NLGN1: variants seen among roughly 807,000 people sequenced by gnomAD.
NLGN1 encodes neuroligin-1.
NLGN1 carries 12 observed loss-of-function variants against 65.5 expected under a neutral mutation model. The observed-to-expected ratio is 0.18, with a 90% CI of 0.12 to 0.30. The LOEUF is 0.30. Ranked by LOEUF, NLGN1 falls within the 10% of genes least tolerant of loss-of-function variation. The pLI is 1.00. For missense variants in NLGN1, 750 were observed against 1,007.1 expected (o/e 0.74, Z 3.46); for synonymous variants, 350 against 359.5 (o/e 0.97, Z 0.30).
At chr3:173,790,836 G>A (rs946732758) in intron 3 of NLGN1, among the ~76,000 whole-genome samples, 1 of 152,090 alleles carries the variant, frequency 6.6e-6, no homozygotes, top group African/African-American at 2.4e-5. Context: ...TTTTAGAAGA[G>A]TATGGCATTG....
At chr3:173,740,127 C>T (rs1245817264) in intron 3 of NLGN1, among the ~76,000 whole-genome samples, 1 of 152,018 alleles carries the variant, frequency 6.6e-6, no homozygotes, top group Non-Finnish European at 1.5e-5. Flanking sequence ...ATAGATAATC[C>T]TTCCAGATGG....
At chr3:173,883,814 CTTT>C (rs74363696) in intron 4 of NLGN1, among the ~76,000 whole-genome samples, 3 of 96,468 alleles carry the variant, frequency 3.1e-5, no homozygotes, top group East Asian at 5.6e-4. Flanking sequence ...GGGAAACTTT[CTTT>C]TTTTTTTTTT....
intron 4 of NLGN1, among the ~76,000 whole-genome samples, chr3:173,852,971 C>T (rs1224753515): frequency 6.6e-6 from 1 of 152,170 alleles, no homozygotes; most frequent in African/African-American, 2.4e-5. Context: ...TATTTGTAGC[C>T]TTCAAATCCA....
chr3:173,570,448 A>G (rs941638381), intron 2 of NLGN1, among the ~76,000 whole-genome samples: 7 of 152,192 alleles, frequency 4.6e-5, no homozygotes, highest in Non-Finnish European at 7.3e-5. Flanking sequence ...GGGAGACACT[A>G]TAACATGGCA....
At chr3:173,472,033 A>G (rs1413647123) in intron 2 of NLGN1, among the ~76,000 whole-genome samples, 2 of 152,148 alleles carry the variant, frequency 1.3e-5, no homozygotes, top group Non-Finnish European at 2.9e-5. Context: ...ACCAGAAGTA[A>G]AATATTTAGA....
At chr3:173,765,698 T>C (rs1280079644) in intron 3 of NLGN1, among the ~76,000 whole-genome samples, 2 of 152,136 alleles carry the variant, frequency 1.3e-5, no homozygotes, top group Non-Finnish European at 2.9e-5. Context: ...GGAATGACCA[T>C]TGCCACCATG....
chr3:174,147,698 T>G (rs1723602249), intron 4 of NLGN1, among the ~76,000 whole-genome samples: 1 of 152,064 alleles, frequency 6.6e-6, no homozygotes, highest in African/African-American at 2.4e-5. Context: ...CAAAACACAT[T>G]GCTCACTGGA....
intron 2 of NLGN1, among the ~76,000 whole-genome samples, chr3:173,492,277 C>T (rs1274806066): frequency 6.6e-6 from 1 of 151,846 alleles, no homozygotes; most frequent in Non-Finnish European, 1.5e-5. Flanking sequence ...TGTCTCCCTG[C>T]ATCTGCATTC....
At chr3:174,168,254 G>A (rs1727893117) in intron 4 of NLGN1, among the ~76,000 whole-genome samples, 1 of 152,096 alleles carries the variant, frequency 6.6e-6, no homozygotes, top group Non-Finnish European at 1.5e-5. Flanking sequence ...CAGAGAGCTA[G>A]TACAATTCTT....
chr3:173,627,468 C>G (rs1476502228), intron 3 of NLGN1, among the ~76,000 whole-genome samples: 1 of 151,960 alleles, frequency 6.6e-6, no homozygotes, highest in Non-Finnish European at 1.5e-5. Context: ...TCATTACTAC[C>G]TTGGCTATTG....
chr3:173,530,747 C>G (rs563492520), intron 2 of NLGN1, among the ~76,000 whole-genome samples: 4 of 152,204 alleles, frequency 2.6e-5, no homozygotes, highest in African/African-American at 9.6e-5. Context: ...AATGCCTGCT[C>G]TTTTGTTTTA....
At chr3:173,494,276 C>A (rs922388652) in intron 2 of NLGN1, among the ~76,000 whole-genome samples, 2 of 151,272 alleles carry the variant, frequency 1.3e-5, no homozygotes, top group African/African-American at 4.9e-5. Context: ...GAATTTGTCT[C>A]CTGATTGATG....
At chr3:173,661,926 G>A (rs961846323) in intron 3 of NLGN1, among the ~76,000 whole-genome samples, 3 of 152,010 alleles carry the variant, frequency 2.0e-5, no homozygotes, top group African/African-American at 7.2e-5. Context: ...GAACCTTGGC[G>A]AATCAGACCA....
At chr3:173,738,075 C>A (rs1774062190) in intron 3 of NLGN1, among the ~76,000 whole-genome samples, 1 of 151,882 alleles carries the variant, frequency 6.6e-6, no homozygotes, top group African/African-American at 2.4e-5. Context: ...TATTTGGATT[C>A]TTTGCCCATT....
At chr3:173,616,149 T>C (rs1266343896) in intron 3 of NLGN1, among the ~76,000 whole-genome samples, 6 of 152,146 alleles carry the variant, frequency 3.9e-5, no homozygotes, top group Non-Finnish European at 7.4e-5. Context: ...CACTCACGGA[T>C]AAATACTGTA....
At chr3:173,479,008 G>T (rs1726785170) in intron 2 of NLGN1, among the ~76,000 whole-genome samples, 1 of 152,068 alleles carries the variant, frequency 6.6e-6, no homozygotes, top group Non-Finnish European at 1.5e-5. Flanking sequence ...ATCAGTTGAA[G>T]AACTAGAGGA....
intron 2 of NLGN1, among the ~76,000 whole-genome samples, chr3:173,496,397 A>G (rs1453775131): frequency 6.6e-6 from 1 of 151,996 alleles, no homozygotes; most frequent in African/African-American, 2.4e-5. Context: ...TCATGTAAAC[A>G]TACAAAATAT....
intron 4 of NLGN1, among the ~76,000 whole-genome samples, chr3:173,832,764 A>G (rs11922807): frequency 0.021 from 3,213 of 152,306 alleles, 144 homozygotes; most frequent in African/African-American, 0.073. Context: ...AAATAAATAT[A>G]TAAAGCCTAG....
At chr3:174,141,798 A>G (rs1423440141) in intron 4 of NLGN1, among the ~76,000 whole-genome samples, 1 of 152,210 alleles carries the variant, frequency 6.6e-6, no homozygotes, top group Non-Finnish European at 1.5e-5. Flanking sequence ...CATTTCAGGT[A>G]ATTGTAAGTT....
Sources: gnomAD v4.1 joint callset for allele counts (sites outside exome capture counted in the v4.1 genomes callset) on GRCh38, gnomAD v4.1.1 for gene constraint, MANE v1.5 for transcripts, NCBI Gene and HGNC (gene_info 2026-07-23, HGNC 2026-07-21) for gene names.